TMEM232: variants seen among roughly 807,000 people sequenced by gnomAD.
TMEM232 encodes transmembrane protein 232.
Under a neutral mutation model 78.8 loss-of-function variants are expected in TMEM232, and 80 were observed. The observed-to-expected ratio is 1.01, with a 90% CI of 0.85 to 1.22. TMEM232 has a LOEUF of 1.22. Ranked by LOEUF, TMEM232 falls within the 50% of genes most tolerant of loss-of-function variation. The pLI is 0.00. For synonymous variants in TMEM232, 297 were observed against 254.3 expected (o/e 1.17, Z -1.60); for missense variants, 881 against 742.2 (o/e 1.19, Z -2.17).
At chr5:110,609,522 C>A (rs1231028709) in intron 8 of TMEM232, among the ~76,000 whole-genome samples, 18 of 151,680 alleles carry the variant, frequency 1.2e-4, no homozygotes, top group Admixed American at 1.1e-3. Flanking sequence ...TCATTCTCAT[C>A]TCTCCATATT....
At chr5:110,619,952 A>C (rs1783424725) in intron 7 of TMEM232, among the ~76,000 whole-genome samples, 1 of 152,246 alleles carries the variant, frequency 6.6e-6, no homozygotes, top group African/African-American at 2.4e-5. Flanking sequence ...AATAAAAAAA[A>C]ACTTCGGAGT....
rs946809534 is a variant in TMEM232 at position 110,667,362 on chromosome 5, A to C, written c.-10T>G. 5 of 1,493,924 alleles carry C rather than the reference A, an allele frequency of 3.3e-6. No individual in the cohort carries two copies. Among genetic ancestry groups the C allele is most frequent in the Non-Finnish European group, 4.5e-6 (5 of 1,116,456 alleles). 92.5% of individuals were successfully genotyped at this position (1,493,924 alleles called of 1,614,324 possible). On this transcript the variant is annotated splice_region_variant and 5_prime_UTR_variant, in exon 2 of 14. Coordinates refer to ENST00000455884, the MANE Select transcript of TMEM232 (RefSeq NM_001039763.4). ...TAACAGGCATATTCATAAATCATAA[A>C]TTCTAAAAGGAATATTAAATGTATG...
intron 12 of TMEM232, among the ~76,000 whole-genome samples, chr5:110,429,708 A>C (rs1027583592): frequency 1.4e-4 from 21 of 151,762 alleles, no homozygotes; most frequent in Admixed American, 1.3e-3. Context: ...TTAACAATTG[A>C]ATGTCTTCCC....
intron 12 of TMEM232, among the ~76,000 whole-genome samples, chr5:110,495,782 T>C (rs558887883): frequency 1.9e-4 from 29 of 151,716 alleles, no homozygotes; most frequent in Non-Finnish European, 3.7e-4. Flanking sequence ...TTGTAAACTT[T>C]ATAGTTACTA....
At chr5:110,735,731 G>T (rs773683688) in intron 1 of TMEM232, among the ~76,000 whole-genome samples, 1 of 152,134 alleles carries the variant, frequency 6.6e-6, no homozygotes, top group Non-Finnish European at 1.5e-5. Context: ...CTTGCTGTCT[G>T]TCTCCCAGCT....
rs187225434 is a variant in TMEM232, at chr5:110,684,365, C to T, written c.-12-17001G>A. 5.3e-5 allele frequency among the ~76,000 whole-genome samples: 8 copies of T among 151,906 alleles called. No homozygotes were observed. The East Asian group carries it at 1.4e-3, about 26-fold the overall frequency. ...AATTAAGAAGAGATTTCTGGATAAA[C>T]AATTAATACAGAAAAGTTAGTGACA... On this transcript the variant is annotated intron_variant, in intron 1 of 13. Transcript: ENST00000455884.
chr5:110,414,890 T>C (rs1182014585), downstream of TMEM232, among the ~76,000 whole-genome samples: 1 of 152,214 alleles, frequency 6.6e-6, no homozygotes, highest in Non-Finnish European at 1.5e-5. Flanking sequence ...TTCAATAATG[T>C]GCACTGAAGT....
rs1030226670 is a variant in TMEM232 at position 110,688,819 on chromosome 5, G to C, written c.-12-21455C>G. On this transcript the variant is annotated intron_variant, in intron 1 of 13. Transcript: ENST00000455884. ...AAATAAGATGGCTATACAATGAAAAGGTACTTGCCTCCCCCATGTTTTGCC... is the reference window on the plus strand; with the variant it reads ...AAATAAGATGGCTATACAATGAAAACGTACTTGCCTCCCCCATGTTTTGCC... Among the ~76,000 whole-genome samples, 7 of 152,240 alleles carry C rather than the reference G, an allele frequency of 4.6e-5. No individual in the cohort carries two copies. In the East Asian group the frequency reaches 1.2e-3, roughly 25 times the overall value.
chr5:110,479,992 TG>T, intron 12 of TMEM232, among the ~76,000 whole-genome samples: 1 of 151,992 alleles, frequency 6.6e-6, no homozygotes, highest in Admixed American at 6.6e-5. Flanking sequence ...CCTGTAAATA[TG>T]TTCAGTTGAT....
In TMEM232 at chr5:110,563,423, CTTAG is replaced by C. The variant is rs374910201; in HGVS notation, c.1455+5020_1455+5023del. The stretch of plus-strand genomic sequence containing the variant: ...TATAGAAATGATAAATTTGAGTTGA[CTTAG>C]TTATAGTATAATCCATTTGTGATTT... On this transcript the variant is annotated intron_variant, in intron 11 of 13. Coordinates refer to ENST00000455884, the MANE Select transcript of TMEM232 (RefSeq NM_001039763.4). Among the ~76,000 whole-genome samples the C allele has an allele frequency of 4.1e-3, 625 of 151,820 alleles. 5 individuals are homozygous for C. Among genetic ancestry groups the C allele is most frequent in the African/African-American group, 0.014 (597 of 41,484 alleles).
At chr5:110,529,245 C>CA (rs1336025270) in intron 11 of TMEM232, among the ~76,000 whole-genome samples, 4 of 151,648 alleles carry the variant, frequency 2.6e-5, no homozygotes, top group Admixed American at 6.6e-5. Context: ...ATCAACAGAG[C>CA]ATTTTTTTTT....
intron 5 of TMEM232, among the ~76,000 whole-genome samples, chr5:110,630,383 G>C (rs1196516751): frequency 1.3e-5 from 2 of 152,166 alleles, no homozygotes; most frequent in Non-Finnish European, 2.9e-5. Context: ...GGAAATACCT[G>C]AGACACAGAA....
intron 12 of TMEM232, among the ~76,000 whole-genome samples, chr5:110,485,657 G>A (rs1282024016): frequency 1.3e-5 from 2 of 152,030 alleles, no homozygotes; most frequent in Admixed American, 6.6e-5. Flanking sequence ...TTTTATAGTT[G>A]AGTAGTATTC....
intron 11 of TMEM232, among the ~76,000 whole-genome samples, chr5:110,557,423 G>C (rs73222657): frequency 1.3e-5 from 2 of 152,210 alleles, no homozygotes; most frequent in African/African-American, 4.8e-5. Flanking sequence ...GAGCTAGTGT[G>C]GTAATTTGGA....
chr5:110,502,120 G>A (rs1431617575), intron 12 of TMEM232, among the ~76,000 whole-genome samples: 2 of 152,104 alleles, frequency 1.3e-5, no homozygotes, highest in Non-Finnish European at 2.9e-5. Context: ...TTATTAAAGG[G>A]AAACTTCAAG....
chr5:110,648,532 T>C (rs1484372665), intron 2 of TMEM232, among the ~76,000 whole-genome samples: 1 of 152,116 alleles, frequency 6.6e-6, no homozygotes, highest in Non-Finnish European at 1.5e-5. Flanking sequence ...AAGTATGGTA[T>C]GTTTGTGAAT....
At chr5:110,714,015 T>C (rs1456376417) in intron 1 of TMEM232, among the ~76,000 whole-genome samples, 1 of 152,196 alleles carries the variant, frequency 6.6e-6, no homozygotes, top group African/African-American at 2.4e-5. Context: ...TCAGGAACTA[T>C]TCCTTGACTT....
chr5:110,627,915 T>C, intron 5 of TMEM232, 35 bp from the exon 6 acceptor site: 1 of 1,339,402 alleles, frequency 7.5e-7, no homozygotes, highest in Non-Finnish European at 1.0e-6. Flanking sequence ...CATTTTTGTG[T>C]TGCATCAATA....
intron 12 of TMEM232, among the ~76,000 whole-genome samples, chr5:110,427,693 GCT>G (rs978722749): frequency 3.3e-5 from 5 of 151,802 alleles, no homozygotes; most frequent in African/African-American, 9.7e-5. Flanking sequence ...ATTCCTTGCC[GCT>G]GTTAGCTTCT....
Sources: allele counts gnomAD v4.1 joint callset (sites outside exome capture counted in the v4.1 genomes callset), GRCh38; gene constraint gnomAD v4.1.1; transcripts MANE v1.5; gene names NCBI Gene and HGNC (gene_info 2026-07-23, HGNC 2026-07-21).